The following PRR16 variants were observed in gnomAD, a reference collection of about 807,000 sequenced individuals.
PRR16 encodes the protein protein Largen.
Under a neutral mutation model 18.2 loss-of-function variants are expected in PRR16, and 6 were observed. That is an observed-to-expected ratio of 0.33 (90% confidence interval 0.18 to 0.65). The LOEUF is 0.65. Ranked by LOEUF, PRR16 falls within the 30% of genes least tolerant of loss-of-function variation. The probability of loss-of-function intolerance (pLI) is 0.74; values close to 1 mark genes in which losing one functional copy is unlikely to be tolerated. For missense variants in PRR16, 412 were observed against 376.6 expected, an observed-to-expected ratio of 1.09 and a Z score of -0.78; for synonymous variants, 151 against 147.8, an observed-to-expected ratio of 1.02 and a Z score of -0.16.
At chr5:120,516,489 A>G (rs1188286811) in intron 1 of PRR16, among the ~76,000 whole-genome samples, 1 of 149,506 alleles carries the variant, frequency 6.7e-6, no homozygotes, top group Non-Finnish European at 1.5e-5. Flanking sequence ...GGAAGGACAC[A>G]CACACACACA....
At chr5:120,500,529 T>C (rs1750413913) in intron 1 of PRR16, among the ~76,000 whole-genome samples, 3 of 152,236 alleles carry the variant, frequency 2.0e-5, no homozygotes, top group Admixed American at 2.0e-4. Context: ...TTATTCTGTA[T>C]TTGATAATGA....
chr5:120,766,852 C>T, the PRR16 span, among the ~76,000 whole-genome samples: 1 of 151,854 alleles, frequency 6.6e-6, no homozygotes, highest in Non-Finnish European at 1.5e-5. Flanking sequence ...TTAGTATAAT[C>T]CTGGTTAATT....
intron 1 of PRR16, among the ~76,000 whole-genome samples, chr5:120,662,069 A>G (rs1252621223): frequency 6.6e-6 from 1 of 152,046 alleles, no homozygotes; most frequent in Non-Finnish European, 1.5e-5. Context: ...CTTGGTAGCT[A>G]GGGTTGGTTC....
intron 1 of PRR16, chr5:120,617,308 A>T (rs1419520818): frequency 2.8e-6 from 1 of 361,188 alleles, no homozygotes; most frequent in Admixed American, 6.4e-5. Context: ...AAGAGTTGCA[A>T]TTAACAATCA....
intron 1 of PRR16, among the ~76,000 whole-genome samples, chr5:120,520,822 C>T (rs1346113605): frequency 1.3e-5 from 2 of 151,826 alleles, no homozygotes; most frequent in Admixed American, 6.6e-5. Context: ...CTGTCTCTTT[C>T]TACCAAAAAA....
chr5:120,758,889 C>A, the PRR16 span, among the ~76,000 whole-genome samples: 1 of 151,764 alleles, frequency 6.6e-6, no homozygotes, highest in South Asian at 2.1e-4. Flanking sequence ...TTATTTTGAG[C>A]ATATTTCCTT....
intron 1 of PRR16, among the ~76,000 whole-genome samples, chr5:120,654,646 C>A (rs1201008140): frequency 6.6e-6 from 1 of 151,624 alleles, no homozygotes; most frequent in Non-Finnish European, 1.5e-5. Context: ...AAAGGTAAAC[C>A]TCAAATATTA....
At chr5:120,633,006 A>C (rs1446640969) in intron 1 of PRR16, among the ~76,000 whole-genome samples, 3 of 152,182 alleles carry the variant, frequency 2.0e-5, no homozygotes, top group Admixed American at 2.0e-4. Context: ...CTACAAAGGA[A>C]AACCTATCAG....
chr5:120,730,012 A>C, the PRR16 span, among the ~76,000 whole-genome samples: 1 of 151,828 alleles, frequency 6.6e-6, no homozygotes, highest in South Asian at 2.1e-4. Context: ...TTATTCTACA[A>C]CTCCCATTTC....
the PRR16 span, among the ~76,000 whole-genome samples, chr5:120,757,154 C>T: frequency 6.6e-6 from 1 of 151,838 alleles, no homozygotes; most frequent in African/African-American, 2.4e-5. Flanking sequence ...TTTTTGGGTT[C>T]TTTATTCTCT....
chr5:120,579,669 G>A lies in PRR16; in HGVS notation c.160-106285G>A, dbSNP rs1006320222. On this transcript the variant is annotated intron_variant, in intron 1 of 1. Coordinates refer to ENST00000407149, the MANE Select transcript of PRR16 (RefSeq NM_001300783.2). ...CTGTAATATAGTTTAAAGTCAGGTA[G>A]CATGTTGCCTCCAGCTCTGTTATTT... Among the ~76,000 whole-genome samples the A allele has an allele frequency of 4.6e-5, 7 of 152,172 alleles. No individual in the cohort carries two copies. The East Asian group carries it at 5.8e-4, about 13-fold the overall frequency.
the PRR16 span, among the ~76,000 whole-genome samples, chr5:120,781,871 T>C: frequency 6.6e-6 from 1 of 152,142 alleles, no homozygotes; most frequent in African/African-American, 2.4e-5. Flanking sequence ...ATATTGTAGA[T>C]AGACCTTACA....
chr5:120,568,992 T>G (rs1439286902), intron 1 of PRR16, among the ~76,000 whole-genome samples: 1 of 152,114 alleles, frequency 6.6e-6, no homozygotes. Context: ...CTTCTAAATC[T>G]TTTATTTCTC....
chr5:120,686,267 G>C lies in PRR16; in HGVS notation c.473G>C (p.Gly158Ala), dbSNP rs1433753817. 6 of 1,613,938 alleles carry C rather than the reference G, an allele frequency of 3.7e-6. No homozygotes were observed. Among genetic ancestry groups the C allele is most frequent in the Admixed American group, 1.7e-5 (1 of 59,978 alleles). ...AATGGCACCCTTCTACGAAATGGAG[G>C]CTTACCAGGTGGACCTAACAAAATT... ...KTNGTLLRNG[G>A]LPGGPNKIPN... The change falls in exon 2 of 2, where the codon GGC (glycine) becomes GCC (alanine). Residue 158 changes from glycine (G) to alanine (A), a missense_variant. Transcript: ENST00000407149.
chr5:120,741,507 A>G, the PRR16 span, among the ~76,000 whole-genome samples: 1 of 152,204 alleles, frequency 6.6e-6, no homozygotes, highest in Admixed American at 6.5e-5. Context: ...AATGTTGTAT[A>G]GCCGTGATGA....
chr5:120,666,372 G>T (rs1756376625), intron 1 of PRR16, among the ~76,000 whole-genome samples: 1 of 152,054 alleles, frequency 6.6e-6, no homozygotes. Context: ...AGACAATGGG[G>T]TTTTCTAGAT....
the PRR16 span, among the ~76,000 whole-genome samples, chr5:120,751,142 G>C: frequency 2.0e-5 from 3 of 152,140 alleles, no homozygotes; most frequent in Non-Finnish European, 4.4e-5. Context: ...TTATGGCTGA[G>C]TAGTATTCCA....
At chr5:120,763,012 AC>A in the PRR16 span, among the ~76,000 whole-genome samples, 1 of 152,118 alleles carries the variant, frequency 6.6e-6, no homozygotes, top group Non-Finnish European at 1.5e-5. Context: ...AGCCTCATGT[AC>A]TAAAGATAAT....
chr5:120,483,127 CT>C (rs1749676938), intron 1 of PRR16, among the ~76,000 whole-genome samples: 1 of 152,138 alleles, frequency 6.6e-6, no homozygotes, highest in Non-Finnish European at 1.5e-5. Context: ...GCGAGGAGCT[CT>C]ACTCCAAAGA....
Sources: allele counts gnomAD v4.1 joint callset (sites outside exome capture counted in the v4.1 genomes callset), GRCh38; gene constraint gnomAD v4.1.1; transcripts MANE v1.5; gene names NCBI Gene and HGNC (gene_info 2026-07-23, HGNC 2026-07-21).